The following IL1RAPL2 variants were observed in gnomAD, a reference collection of about 807,000 sequenced individuals.
IL1RAPL2 encodes X-linked interleukin-1 receptor accessory protein-like 2.
In IL1RAPL2, 3 loss-of-function variants were observed where a neutral mutation model predicts 44.1. The observed-to-expected ratio is 0.07, with a 90% CI of 0.03 to 0.18. The LOEUF (loss-of-function observed/expected upper bound fraction) is 0.18. Among genes scored for constraint, IL1RAPL2 ranks in the 10% least tolerant of loss-of-function variants. The probability of loss-of-function intolerance (pLI) is 1.00; values close to 1 mark genes in which losing one functional copy is unlikely to be tolerated. For synonymous variants in IL1RAPL2, 181 were observed against 178.8 expected (o/e 1.01, Z -0.10); for missense variants, 391 against 496.4 (o/e 0.79, Z 2.02).
intron 6 of IL1RAPL2, 65 bp from the exon 7 acceptor site, chrX:105,717,302 G>A: frequency 1.0e-6 from 1 of 997,292 alleles, no homozygotes; most frequent in Non-Finnish European, 1.3e-6. Flanking sequence ...ATGTTAAATG[G>A]TCGCTTCCTG....
At chrX:105,363,278 TATATATATATA>T (rs1298322047) in intron 5 of IL1RAPL2, among the ~76,000 whole-genome samples, 15 of 75,631 alleles carry the variant, frequency 2.0e-4, no homozygotes, top group Non-Finnish European at 2.9e-4. Flanking sequence ...TATATGTGTG[TATATATATATA>T]ATATATATAT....
intron 2 of IL1RAPL2, among the ~76,000 whole-genome samples, chrX:104,701,259 G>A (rs1228756469): frequency 8.9e-6 from 1 of 111,800 alleles, no homozygotes; most frequent in Non-Finnish European, 1.9e-5. Context: ...TCACACAAAT[G>A]TTGCAAAGTA....
At position 104,688,737 on chromosome X, in the gene IL1RAPL2, G is replaced by C. The variant is rs187435623; in HGVS notation, c.82+29742G>C. Among the ~76,000 whole-genome samples, 5 of 111,806 alleles carry C rather than the reference G, an allele frequency of 4.5e-5. No individual in the cohort carries two copies. The East Asian group carries it at 1.4e-3, about 31-fold the overall frequency. On this transcript the variant is annotated intron_variant, in intron 2 of 10. Coordinates refer to ENST00000372582, the MANE Select transcript of IL1RAPL2 (RefSeq NM_017416.2). Reference sequence around the variant, plus strand: ...TTATATTCAGCACTGATTGGTAACAGTTGAGGATTAATGAGAGCAATACCT... The same window carrying C: ...TTATATTCAGCACTGATTGGTAACACTTGAGGATTAATGAGAGCAATACCT...
intron 2 of IL1RAPL2, among the ~76,000 whole-genome samples, chrX:104,827,770 C>T (rs1395493774): frequency 4.5e-5 from 5 of 111,871 alleles, no homozygotes; most frequent in Non-Finnish European, 9.4e-5. Context: ...ACCAATCAAA[C>T]GTAGGTTTGG....
chrX:105,211,874 A>G (rs2033810722), intron 3 of IL1RAPL2, among the ~76,000 whole-genome samples: 1 of 111,900 alleles, frequency 8.9e-6, no homozygotes, highest in Admixed American at 9.4e-5. Context: ...GAAGTGCAAG[A>G]GGCCAGGATC....
rs539964657 is a variant in IL1RAPL2, at chrX:104,848,343, T to C, written c.82+189348T>C. Among the ~76,000 whole-genome samples the C allele has an allele frequency of 1.3e-4, 14 of 104,719 alleles. 1 individual carries two copies. In the South Asian group the frequency reaches 6.1e-3, roughly 46 times the overall value. 90.9% of individuals were successfully genotyped at this position (104,719 alleles called of 115,157 possible). ...TTGTCCTATATTTAAAAAATAGTCA[T>C]CTTATTTTAGGACAAAAATTTAGCA... On this transcript the variant is annotated intron_variant, in intron 2 of 10. Transcript: ENST00000372582.
At position 105,667,168 on chromosome X, in the gene IL1RAPL2, A is replaced by G. The variant is rs748767390; in HGVS notation, c.773-50199A>G. Among the ~76,000 whole-genome samples, 360 of 112,073 alleles carry G rather than the reference A, an allele frequency of 3.2e-3. 1 individual carries two copies. Among genetic ancestry groups the G allele is most frequent in the African/African-American group, 0.011 (351 of 30,841 alleles). Reference sequence around the variant, plus strand: ...TTCCAATTTTACATATGAACAATAAACCAATAGCACAAATTATACACAGAA... The same window carrying G: ...TTCCAATTTTACATATGAACAATAAGCCAATAGCACAAATTATACACAGAA... On this transcript the variant is annotated intron_variant, in intron 6 of 10. Transcript: ENST00000372582.
intron 2 of IL1RAPL2, among the ~76,000 whole-genome samples, chrX:104,746,881 A>T (rs1479567624): frequency 9.0e-6 from 1 of 111,220 alleles, no homozygotes; most frequent in Admixed American, 9.6e-5. Context: ...TAGCCCCAGG[A>T]TTAAGTTATT....
At chrX:104,602,028 T>A (rs1249220340) in intron 1 of IL1RAPL2, among the ~76,000 whole-genome samples, 1 of 111,927 alleles carries the variant, frequency 8.9e-6, no homozygotes, top group Non-Finnish European at 1.9e-5. Flanking sequence ...GAAAATGTGG[T>A]AGGGATTTCC....
Position 104,615,710 on chromosome X carries a change from T to C in IL1RAPL2, c.-19-43185T>C, listed in dbSNP as rs761152733. ...CAATTGTGTGCATATATCTTTGTAA[T>C]AGAATGATTTATATTCCTTTGGGTA... On this transcript the variant is annotated intron_variant, in intron 1 of 10. Transcript: ENST00000372582. Among the ~76,000 whole-genome samples the C allele has an allele frequency of 1.9e-3, 211 of 112,261 alleles. 1 individual carries two copies. Among genetic ancestry groups the C allele is most frequent in the African/African-American group, 6.2e-3 (192 of 30,921 alleles).
chrX:104,672,251 C>T (rs913123807), intron 2 of IL1RAPL2, among the ~76,000 whole-genome samples: 1 of 111,140 alleles, frequency 9.0e-6, no homozygotes, highest in African/African-American at 3.3e-5. Flanking sequence ...GCTATCCCTC[C>T]CCCACCCATA....
At chrX:104,939,067 T>A (rs1264491110) in intron 2 of IL1RAPL2, among the ~76,000 whole-genome samples, 6 of 65,658 alleles carry the variant, frequency 9.1e-5, no homozygotes, top group African/African-American at 3.1e-4. Context: ...TTTTTTTTTT[T>A]TTTTTTTGAG....
At chrX:104,687,374 G>A (rs1931007822) in intron 2 of IL1RAPL2, among the ~76,000 whole-genome samples, 1 of 111,208 alleles carries the variant, frequency 9.0e-6, no homozygotes, top group Non-Finnish European at 1.9e-5. Context: ...AAAGGAGTGG[G>A]GGGAGGTGCC....
intron 1 of IL1RAPL2, among the ~76,000 whole-genome samples, chrX:104,596,094 A>T (rs1602635716): frequency 9.0e-6 from 1 of 111,265 alleles, no homozygotes; most frequent in East Asian, 2.8e-4. Flanking sequence ...AAATATAATG[A>T]TCAAATATTT....
At chrX:105,201,432 A>G (rs985570930) in intron 3 of IL1RAPL2, among the ~76,000 whole-genome samples, 3 of 112,196 alleles carry the variant, frequency 2.7e-5, no homozygotes, top group Non-Finnish European at 5.6e-5. Context: ...AAAAGAAGAA[A>G]TAAATGTAAG....
chrX:104,791,076 A>G (rs1356642681), intron 2 of IL1RAPL2, among the ~76,000 whole-genome samples: 1 of 111,572 alleles, frequency 9.0e-6, no homozygotes, highest in Middle Eastern at 4.2e-3. Context: ...TAGAAAGGCT[A>G]CACAGCTAGT....
At chrX:105,195,829 C>T (rs1323598964) in intron 3 of IL1RAPL2, 81 bp downstream of exon 3, 2 of 951,855 alleles carry the variant, frequency 2.1e-6, no homozygotes, top group African/African-American at 3.8e-5. Flanking sequence ...AGGTATGCCT[C>T]ATGTTGTATA....
chrX:105,750,278 CT>C (rs11385087), intron 9 of IL1RAPL2, among the ~76,000 whole-genome samples: 60 of 84,542 alleles, frequency 7.1e-4, no homozygotes, highest in Non-Finnish European at 8.8e-4. Flanking sequence ...TTTGTTTTGT[CT>C]TTTTTTTTTT....
At chrX:105,117,770 T>C (rs746836870) in intron 2 of IL1RAPL2, among the ~76,000 whole-genome samples, 1 of 111,753 alleles carries the variant, frequency 8.9e-6, no homozygotes, top group South Asian at 3.8e-4. Flanking sequence ...TGCGGAACTG[T>C]GAGTCAATTA....
Sources: allele counts gnomAD v4.1 joint callset (sites outside exome capture counted in the v4.1 genomes callset), GRCh38; gene constraint gnomAD v4.1.1; transcripts MANE v1.5; gene names NCBI Gene and HGNC (gene_info 2026-07-23, HGNC 2026-07-21).